Variants in RRP15 observed in about 807,000 individuals in gnomAD.
RRP15 encodes the protein ribosomal RNA processing 15 homolog.
In RRP15, 18 loss-of-function variants were observed where a neutral mutation model predicts 27.1. The ratio of observed to expected loss-of-function variants is 0.66; its 90% CI spans 0.46 to 0.98. The LOEUF (loss-of-function observed/expected upper bound fraction) is 0.98, where lower values mean the gene tolerates loss of function less well. Among genes scored for constraint, RRP15 ranks in the 50% least tolerant of loss-of-function variants. The pLI is 0.00. For synonymous variants in RRP15, 107 were observed against 109.4 expected (o/e 0.98, Z 0.14); for missense variants, 359 against 337.8 (o/e 1.06, Z -0.49).
intron 1 of RRP15, among the ~76,000 whole-genome samples, chr1:218,287,161 G>A (rs1274643460): frequency 1.5e-5 from 1 of 65,566 alleles, no homozygotes; most frequent in Admixed American, 1.7e-4. Flanking sequence ...TTTTTTTTTT[G>A]GTAGAGATGG....
At chr1:218,321,450 G>C (rs779760280) in intron 4 of RRP15, among the ~76,000 whole-genome samples, 2 of 152,200 alleles carry the variant, frequency 1.3e-5, no homozygotes, top group Non-Finnish European at 2.9e-5. Flanking sequence ...TTATATTACA[G>C]TTAGTTATGT....
Position 218,331,297 on chromosome 1 carries a change from C to A in RRP15, c.*206C>A. ...CCTTGTATAATTTTAAGCATTGTTC[C>A]TCAGAACATTTGTAAAAGGATATAT... is the stretch of plus-strand genomic sequence containing the variant. On this transcript the variant is annotated 3_prime_UTR_variant, in exon 5 of 5. Coordinates refer to ENST00000366932, the MANE Select transcript of RRP15 (RefSeq NM_016052.4). The A allele has an allele frequency of 2.5e-6, 1 of 405,030 alleles. No individual in the cohort carries two copies. The highest frequency in any genetic ancestry group is 4.3e-6 in the Non-Finnish European group (1 of 231,048). 25.1% of individuals were successfully genotyped at this position (405,030 alleles called of 1,614,324 possible). A position where few individuals can be genotyped will look rare whatever the true frequency, so the allele number is the denominator to read the frequency against.
chr1:218,313,972 T>TTTTTA (rs66715330), intron 4 of RRP15, among the ~76,000 whole-genome samples: 6,267 of 147,230 alleles, frequency 0.043, 156 homozygotes, highest in African/African-American at 0.054. Flanking sequence ...CCCCGAGTGA[T>TTTTTA]TTTTATTTTA....
At position 218,337,356 on chromosome 1, in the gene RRP15, GA is replaced by G. The variant is rs1177941885; in HGVS notation, c.*6269del. 6.6e-6 allele frequency: 1 copy of G among 152,162 alleles called. No individual in the cohort carries two copies. The highest frequency in any genetic ancestry group is 2.4e-5 in the African/African-American group (1 of 41,430). The allele number at this position is 152,162 out of a possible 1,614,324, so 9.4% of individuals were successfully genotyped here. On this transcript the variant is annotated 3_prime_UTR_variant, in exon 5 of 5. Transcript: ENST00000366932. ...TTCTACTTCTGGAAACCTTCCTCAG[GA>G]AAAGATTCTGATGACAGAAAATGCT...
In RRP15 at chr1:218,309,967, A is replaced by G. The variant is rs535964509; in HGVS notation, c.705+2335A>G. On this transcript the variant is annotated intron_variant, in intron 4 of 4. Transcript: ENST00000366932. ...CTATTTATTTAGAGCATAGATCATT[A>G]TATCTATGTATGTTACTTGAAATAG... is the stretch of plus-strand genomic sequence containing the variant. Among the ~76,000 whole-genome samples, 5 of 152,298 alleles carry G rather than the reference A, an allele frequency of 3.3e-5. No homozygotes were observed. The East Asian group carries it at 7.7e-4, about 24-fold the overall frequency.
At chr1:218,318,637 C>T (rs1279063390) in intron 4 of RRP15, among the ~76,000 whole-genome samples, 1 of 152,132 alleles carries the variant, frequency 6.6e-6, no homozygotes, top group African/African-American at 2.4e-5. Flanking sequence ...ATATGTGTGA[C>T]AGCTTATACT....
chr1:218,305,597 C>A (rs1340851416), intron 3 of RRP15, among the ~76,000 whole-genome samples: 1 of 152,104 alleles, frequency 6.6e-6, no homozygotes, highest in East Asian at 1.9e-4. Flanking sequence ...CTAGGTGGTC[C>A]TTGCCTGGTC....
intron 2 of RRP15, 61 bp downstream of exon 2, chr1:218,302,620 C>G (rs895753440): frequency 1.3e-6 from 2 of 1,555,982 alleles, no homozygotes; most frequent in East Asian, 2.3e-5. Context: ...CTTATCTTGA[C>G]CGAACTGTTT....
chr1:218,308,019 T>C (rs1477691288), intron 4 of RRP15, among the ~76,000 whole-genome samples: 3 of 151,374 alleles, frequency 2.0e-5, no homozygotes, highest in African/African-American at 7.3e-5. Flanking sequence ...ACCTTTGGCA[T>C]GAGAACTTTG....
chr1:218,297,740 G>T (rs953260445), intron 1 of RRP15, among the ~76,000 whole-genome samples: 11 of 152,098 alleles, frequency 7.2e-5, no homozygotes, highest in African/African-American at 2.7e-4. Context: ...CATTTTAAAA[G>T]AAAAACTGTA....
chr1:218,293,799 G>A (rs555399823), intron 1 of RRP15, among the ~76,000 whole-genome samples: 1 of 152,290 alleles, frequency 6.6e-6, no homozygotes, highest in Admixed American at 6.5e-5. Flanking sequence ...GTTCCATGGG[G>A]ACAGAGACCT....
chr1:218,313,459 G>T (rs969222239), intron 4 of RRP15, among the ~76,000 whole-genome samples: 1 of 152,140 alleles, frequency 6.6e-6, no homozygotes, highest in African/African-American at 2.4e-5. Flanking sequence ...ACTCAGAAAT[G>T]GTGACAGCTT....
intron 4 of RRP15, among the ~76,000 whole-genome samples, chr1:218,310,378 T>C (rs1245910735): frequency 1.3e-5 from 2 of 152,226 alleles, no homozygotes; most frequent in Non-Finnish European, 2.9e-5. Flanking sequence ...GATACCAATT[T>C]GGAAACACCT....
chr1:218,330,335 CATTT>C (rs1381855069), intron 4 of RRP15, among the ~76,000 whole-genome samples: 1 of 152,112 alleles, frequency 6.6e-6, no homozygotes, highest in East Asian at 1.9e-4. Context: ...TTGCCTGCTT[CATTT>C]ATTTATAATT....
intron 3 of RRP15, 36 bp downstream of exon 3, chr1:218,305,161 T>C: frequency 1.4e-6 from 2 of 1,476,592 alleles, no homozygotes; most frequent in Non-Finnish European, 1.9e-6. Flanking sequence ...AAAATAAGTA[T>C]ACTAAAGCTA....
chr1:218,295,924 G>GA (rs1645800858), intron 1 of RRP15, among the ~76,000 whole-genome samples: 1 of 148,470 alleles, frequency 6.7e-6, no homozygotes, highest in Non-Finnish European at 1.5e-5. Flanking sequence ...TTTTTTTTTT[G>GA]AAGTTTTAAA....
At position 218,308,780 on chromosome 1, in the gene RRP15, C is replaced by T. The variant is rs184287794; in HGVS notation, c.705+1148C>T. Among the ~76,000 whole-genome samples, 36 of 152,188 alleles carry T rather than the reference C, an allele frequency of 2.4e-4. 1 individual carries two copies. Among genetic ancestry groups the T allele is most frequent in the Admixed American group, 2.2e-3 (34 of 15,294 alleles). On this transcript the variant is annotated intron_variant, in intron 4 of 4. Coordinates refer to ENST00000366932, the MANE Select transcript of RRP15 (RefSeq NM_016052.4). ...AGTGCTGCTATTTTAAAGTGTCTATCAGAAGTACTTGTAAATACATGAACA... is the reference window on the plus strand; with the variant it reads ...AGTGCTGCTATTTTAAAGTGTCTATTAGAAGTACTTGTAAATACATGAACA...
chr1:218,297,190 C>G (rs1057363397), intron 1 of RRP15, among the ~76,000 whole-genome samples: 2 of 152,146 alleles, frequency 1.3e-5, no homozygotes, highest in African/African-American at 4.8e-5. Flanking sequence ...GGAATAAGAA[C>G]ATAACACCCC....
intron 1 of RRP15, among the ~76,000 whole-genome samples, chr1:218,298,172 G>C (rs1478534419): frequency 6.6e-6 from 1 of 152,048 alleles, no homozygotes; most frequent in Admixed American, 6.6e-5. Flanking sequence ...CAGTGATCTT[G>C]CCGTCTGATC....
Sources: gnomAD v4.1 joint callset for allele counts (sites outside exome capture counted in the v4.1 genomes callset) on GRCh38, gnomAD v4.1.1 for gene constraint, MANE v1.5 for transcripts, NCBI Gene and HGNC (gene_info 2026-07-23, HGNC 2026-07-21) for gene names.